The following KIR3DL1 variants were observed in gnomAD, a reference collection of about 807,000 sequenced individuals.
KIR3DL1 encodes the protein killer cell immunoglobulin-like receptor 3DL1.
KIR3DL1 carries 50 observed loss-of-function variants against 40.3 expected under a neutral mutation model. The ratio of observed to expected loss-of-function variants is 1.24; its 90% CI spans 0.99 to 1.57. The LOEUF (loss-of-function observed/expected upper bound fraction) is 1.57. KIR3DL1 is among the 40% of genes most tolerant of loss of function. The probability of loss-of-function intolerance (pLI) is 0.00; values close to 1 mark genes in which losing one functional copy is unlikely to be tolerated. For synonymous variants in KIR3DL1, 257 were observed against 207.2 expected, an observed-to-expected ratio of 1.24 and a Z score of -2.07; for missense variants, 661 against 559.9, an observed-to-expected ratio of 1.18 and a Z score of -1.82.
intron 5 of KIR3DL1, among the ~76,000 whole-genome samples, chr19:54,824,759 T>C (rs2061799968): frequency 6.7e-6 from 1 of 149,900 alleles, no homozygotes; most frequent in Non-Finnish European, 1.5e-5. Flanking sequence ...TATGTGCCTT[T>C]CTTTATGCCA....
At chr19:54,827,740 A>T (rs1294576439) in intron 6 of KIR3DL1, among the ~76,000 whole-genome samples, 2 of 150,918 alleles carry the variant, frequency 1.3e-5, no homozygotes, top group African/African-American at 2.5e-5. Flanking sequence ...CTTATCCATT[A>T]GGCAATCAGC....
rs200114273 is a variant in KIR3DL1 at position 54,830,135 on chromosome 19, G to C, written c.1195G>C (p.Ala399Pro). The change falls in exon 9 of 9, where the codon GCA (alanine) becomes CCA (proline). Residue 399 changes from alanine (A) to proline (P), a missense_variant. Ala to Pro is a conservative substitution (Grantham distance 27). Around this residue, in one of 3 missense-constraint regions of KIR3DL1, gnomAD observed 107 missense variants for 129.4 expected, o/e 0.83. Transcript: ENST00000391728. ...ACAAGACCCTGAGGAGGTGACATAC[G>C]CACAGTTGGATCACTGCGTTTTCAC... 9.4e-4 allele frequency: 1,439 copies of C among 1,524,062 alleles called. 247 individuals carry two copies. The highest frequency in any genetic ancestry group is 1.8e-3 in the Admixed American group (97 of 55,400). 94.4% of individuals were successfully genotyped at this position (1,524,062 alleles called of 1,614,324 possible).
intron 6 of KIR3DL1, among the ~76,000 whole-genome samples, chr19:54,826,067 C>T (rs929830120): frequency 1.3e-5 from 2 of 151,184 alleles, no homozygotes; most frequent in African/African-American, 4.9e-5. Flanking sequence ...ATTCCATCTG[C>T]AATCTTCATT....
At chr19:54,822,159 T>C (rs1431140595) in intron 5 of KIR3DL1, among the ~76,000 whole-genome samples, 2 of 150,998 alleles carry the variant, frequency 1.3e-5, no homozygotes, top group Non-Finnish European at 2.9e-5. Flanking sequence ...AGCCCCTCAA[T>C]CTTATCCATT....
chr19:54,824,225 A>G (rs1476762712), intron 5 of KIR3DL1, among the ~76,000 whole-genome samples: 1 of 151,602 alleles, frequency 6.6e-6, no homozygotes, highest in African/African-American at 2.4e-5. Flanking sequence ...TTCAGGCCTT[A>G]GACTCATGTT....
At chr19:54,825,983 A>T (rs1480467805) in intron 6 of KIR3DL1, among the ~76,000 whole-genome samples, 1 of 151,318 alleles carries the variant, frequency 6.6e-6, no homozygotes, top group Non-Finnish European at 1.5e-5. Flanking sequence ...GTTCACCAAG[A>T]TGAAAATCCA....
chr19:54,819,916 C>G (rs374985414), exon 4 of KIR3DL1: 48 of 1,612,048 alleles, frequency 3.0e-5, no homozygotes, highest in Non-Finnish European at 3.9e-5. Context: ...TCCCATGATG[C>G]TTGCCCTTGC....
chr19:54,820,454 G>GT (rs1464525274), intron 4 of KIR3DL1, among the ~76,000 whole-genome samples: 1 of 151,486 alleles, frequency 6.6e-6, no homozygotes, highest in Non-Finnish European at 1.5e-5. Context: ...TACAGATGCC[G>GT]TGTTTATTCT....
rs184916265 is a variant in KIR3DL1 at position 54,827,942 on chromosome 19, A to C, written c.1001-1419A>C. ...TCACCTGTGGAAATACAGATAGATC[A>C]TGGGGAGGTAAATGCTAATACTCCT... On this transcript the variant is annotated intron_variant, in intron 6 of 8. Coordinates refer to ENST00000391728, the Ensembl canonical transcript of KIR3DL1. 2.9e-3 allele frequency among the ~76,000 whole-genome samples: 442 copies of C among 150,404 alleles called. 6 individuals carry two copies. Among genetic ancestry groups the C allele is most frequent in the Non-Finnish European group, 5.2e-3 (353 of 67,862 alleles).
At chr19:54,822,783 G>A (rs1180636959) in intron 5 of KIR3DL1, among the ~76,000 whole-genome samples, 1 of 147,268 alleles carries the variant, frequency 6.8e-6, no homozygotes, top group African/African-American at 2.6e-5. Context: ...ATGACCTCCA[G>A]TTCCATCCAT....
At position 54,829,260 on chromosome 19, in the gene KIR3DL1, G is replaced by C. The variant is rs1386519183; in HGVS notation, c.1001-101G>C. 3.9e-6 allele frequency: 4 copies of C among 1,021,844 alleles called. 1 individual carries two copies. The highest frequency in any genetic ancestry group is 2.9e-5 in the South Asian group (2 of 68,806). 63.3% of individuals were successfully genotyped at this position (1,021,844 alleles called of 1,614,324 possible). A position where few individuals can be genotyped will look rare whatever the true frequency, so the allele number is the denominator to read the frequency against. ...CCGCCATCTGGGTGCTTGTCCGAAA[G>C]AGATGCTGTAAGTGGTTACCTGTCA... On this transcript the variant is annotated intron_variant, in intron 6 of 8. Coordinates refer to ENST00000391728, the Ensembl canonical transcript of KIR3DL1.
At chr19:54,828,514 C>T (rs1279634671) in intron 6 of KIR3DL1, among the ~76,000 whole-genome samples, 1 of 151,038 alleles carries the variant, frequency 6.6e-6, no homozygotes, top group East Asian at 1.9e-4. Flanking sequence ...TGAGCCAGTT[C>T]CCCAAGGCTC....
chr19:54,827,604 G>C (rs1242849902), intron 6 of KIR3DL1, among the ~76,000 whole-genome samples: 2 of 150,456 alleles, frequency 1.3e-5, no homozygotes, highest in Non-Finnish European at 2.9e-5. Context: ...GACACAAGGA[G>C]ACTCCATCTC....
Position 54,825,484 on chromosome 19 carries a change from A to G in KIR3DL1, c.1000+406A>G, listed in dbSNP as rs559331903. Among the ~76,000 whole-genome samples, 558 of 145,122 alleles carry G rather than the reference A, an allele frequency of 3.8e-3. 4 individuals carry two copies. Among genetic ancestry groups the G allele is most frequent in the African/African-American group, 0.012 (452 of 39,230 alleles). On this transcript the variant is annotated intron_variant, in intron 6 of 8. Transcript: ENST00000391728. ...AGGAATGAATTACTGTTGGTCATGA[A>G]GCAACCCTGGCTGACTCAGCAGAGC...
chr19:54,822,294 C>A (rs185944096), intron 5 of KIR3DL1, among the ~76,000 whole-genome samples: 20,978 of 150,724 alleles, frequency 0.14, 1,918 homozygotes, highest in Middle Eastern at 0.18. Context: ...TAATTTACCA[C>A]CTTTACCATT....
intron 3 of KIR3DL1, among the ~76,000 whole-genome samples, chr19:54,818,955 G>T (rs1281171540): frequency 1.3e-5 from 2 of 150,528 alleles, no homozygotes; most frequent in Non-Finnish European, 3.0e-5. Flanking sequence ...AGGGGAGTGG[G>T]GATTAGAGCA....
chr19:54,821,953 A>G, intron 5 of KIR3DL1, 95 bp downstream of exon 5: 1 of 1,422,910 alleles, frequency 7.0e-7, no homozygotes, highest in South Asian at 1.2e-5. Context: ...GGACAGATGC[A>G]GAGAGAAGAC....
At chr19:54,819,238 C>CAGGAACCCAGGTCAAGGACAAGTT (rs796240178) in intron 3 of KIR3DL1, among the ~76,000 whole-genome samples, 23,378 of 144,152 alleles carry the variant, frequency 0.16, 2,166 homozygotes, top group South Asian at 0.26. Context: ...GAAACCAACA[C>CAGGAACCCAGGTCAAGGACAAGTT]AGGAACCCAG....
chr19:54,825,109 T>A, intron 6 of KIR3DL1, 31 bp downstream of exon 6: 2 of 1,420,072 alleles, frequency 1.4e-6, no homozygotes, highest in South Asian at 2.3e-5. Flanking sequence ...ATCTCTGCTT[T>A]TGGAAACCTG....
Sources: allele counts gnomAD v4.1 joint callset (sites outside exome capture counted in the v4.1 genomes callset), GRCh38; gene constraint gnomAD v4.1.1; regional missense constraint gnomAD v4.1.1; transcripts MANE v1.5; gene names NCBI Gene and HGNC (gene_info 2026-07-23, HGNC 2026-07-21).